NBEA: variants seen among roughly 807,000 people sequenced by gnomAD.
NBEA encodes neurobeachin, also known as lysosomal-trafficking regulator 2.
NBEA carries 44 observed loss-of-function variants against 343.4 expected under a neutral mutation model. The observed-to-expected ratio is 0.13, with a 90% confidence interval of 0.10 to 0.16. The LOEUF (loss-of-function observed/expected upper bound fraction) is 0.16, where lower values mean the gene tolerates loss of function less well. NBEA is among the 10% of genes least tolerant of loss of function. The pLI, the probability that NBEA is intolerant of heterozygous loss-of-function variation, is 1.00. For missense variants in NBEA, 2,555 were observed against 3,631.3 expected (o/e 0.70, Z 7.62); for synonymous variants, 1,175 against 1,238.7 (o/e 0.95, Z 1.08).
At chr13:35,536,669 TAGAC>T (rs879468484) in intron 41 of NBEA, among the ~76,000 whole-genome samples, 5 of 151,656 alleles carry the variant, frequency 3.3e-5, no homozygotes, top group South Asian at 4.1e-4. Context: ...GATAGATAGA[TAGAC>T]AGACAGACAG....
chr13:34,974,946 A>G (rs932967366), intron 1 of NBEA, among the ~76,000 whole-genome samples: 4 of 152,272 alleles, frequency 2.6e-5, no homozygotes, highest in South Asian at 4.1e-4. Flanking sequence ...AAAATAGAAC[A>G]CTAGTTTTCA....
chr13:35,525,347 T>C (rs1295715639), intron 41 of NBEA, among the ~76,000 whole-genome samples: 4 of 151,966 alleles, frequency 2.6e-5, no homozygotes, highest in Non-Finnish European at 4.4e-5. Flanking sequence ...AGGTCAGGAG[T>C]TTGAGACCAG....
At chr13:35,141,656 C>G (rs561378761) in intron 17 of NBEA, among the ~76,000 whole-genome samples, 1 of 152,124 alleles carries the variant, frequency 6.6e-6, no homozygotes, top group African/African-American at 2.4e-5. Flanking sequence ...TTTAATGGAA[C>G]CTTCTATCCT....
chr13:35,559,188 G>T (rs975893176), intron 44 of NBEA, among the ~76,000 whole-genome samples: 2 of 152,132 alleles, frequency 1.3e-5, no homozygotes, highest in Admixed American at 6.5e-5. Context: ...ATACTTGTTA[G>T]GGCAGCAATT....
chr13:35,397,137 C>A (rs2042784309), intron 38 of NBEA, among the ~76,000 whole-genome samples: 1 of 152,188 alleles, frequency 6.6e-6, no homozygotes, highest in Non-Finnish European at 1.5e-5. Flanking sequence ...TCCTTCAAGA[C>A]CCCAAATGAA....
chr13:35,049,144 A>G (rs1419301215), intron 5 of NBEA, among the ~76,000 whole-genome samples: 5 of 151,912 alleles, frequency 3.3e-5, no homozygotes, highest in African/African-American at 1.2e-4. Flanking sequence ...GGTGTAGACA[A>G]CTAGAATGAG....
intron 1 of NBEA, among the ~76,000 whole-genome samples, chr13:35,024,544 G>T (rs956273040): frequency 2.6e-5 from 4 of 152,032 alleles, no homozygotes; most frequent in Non-Finnish European, 4.4e-5. Flanking sequence ...GCCAGGTGTG[G>T]TGGTACACAC....
At chr13:35,236,515 T>C (rs2075240914) in intron 34 of NBEA, among the ~76,000 whole-genome samples, 1 of 152,050 alleles carries the variant, frequency 6.6e-6, no homozygotes, top group African/African-American at 2.4e-5. Context: ...GGCACTATCT[T>C]GGCTCACTGC....
intron 7 of NBEA, among the ~76,000 whole-genome samples, chr13:35,058,413 T>C (rs1036303786): frequency 6.6e-6 from 1 of 152,118 alleles, no homozygotes; most frequent in Admixed American, 6.6e-5. Context: ...AGTTTAACTT[T>C]TGTAAATAAA....
intron 1 of NBEA, among the ~76,000 whole-genome samples, chr13:35,020,303 A>C (rs1187629724): frequency 1.3e-5 from 2 of 151,982 alleles, no homozygotes; most frequent in Non-Finnish European, 1.5e-5. Context: ...TATTATTCTG[A>C]TGTATAGTTT....
At chr13:35,414,142 C>A (rs746591783) in intron 38 of NBEA, among the ~76,000 whole-genome samples, 2 of 152,104 alleles carry the variant, frequency 1.3e-5, no homozygotes, top group Non-Finnish European at 2.9e-5. Flanking sequence ...TTAGAGCAGT[C>A]AGAATATACT....
chr13:35,236,029 A>G (rs929002261), intron 34 of NBEA, among the ~76,000 whole-genome samples: 4 of 152,216 alleles, frequency 2.6e-5, no homozygotes, highest in Non-Finnish European at 5.9e-5. Flanking sequence ...TTTAAACTAT[A>G]TGGATGTAAT....
In NBEA at chr13:35,565,858, C is replaced by T. The variant is rs531987429; in HGVS notation, c.6923-1047C>T. Among the ~76,000 whole-genome samples, 6 of 152,146 alleles carry T rather than the reference C, an allele frequency of 3.9e-5. No individual in the cohort carries two copies. In the South Asian group the frequency reaches 8.3e-4, roughly 21 times the overall value. ...TTCACCCTAAGATCGAGCAGTTCTTCGCTAAAGTGAAACAACATAAGACAA... is the reference window on the plus strand; with the variant it reads ...TTCACCCTAAGATCGAGCAGTTCTTTGCTAAAGTGAAACAACATAAGACAA... On this transcript the variant is annotated intron_variant, in intron 44 of 58. Transcript: ENST00000379939.
intron 2 of NBEA, among the ~76,000 whole-genome samples, chr13:35,041,925 A>G (rs985957372): frequency 6.6e-6 from 1 of 151,962 alleles, no homozygotes; most frequent in Admixed American, 6.6e-5. Flanking sequence ...TAAGCCACGA[A>G]TCTTCAGCCT....
At chr13:35,567,919 C>T (rs1223324871) in intron 45 of NBEA, among the ~76,000 whole-genome samples, 1 of 152,158 alleles carries the variant, frequency 6.6e-6, no homozygotes, top group East Asian at 1.9e-4. Flanking sequence ...GCTTCTGCCC[C>T]TTTTCTGGCC....
chr13:35,583,916 C>T lies in NBEA; in HGVS notation c.7054C>T (p.Pro2352Ser), dbSNP rs767758961. The stretch of plus-strand genomic sequence containing the variant: ...TTAATAGCCAATTGGTGCTTTGAAC[C>T]CCAAGAGAGCTGTGTTTTATGCAGA... ...DLSKPIGALN[P>S]KRAVFYAERY... Residue 2352 changes from proline (P) to serine (S), a missense_variant, in exon 46 of 59, where the codon CCC (proline) becomes TCC (serine). This residue lies in a region of NBEA where 156 missense variants were observed against 185.8 expected (regional missense o/e 0.84). Transcript: ENST00000379939. The T allele has an allele frequency of 1.2e-6, 2 of 1,611,002 alleles. No homozygotes were observed. Among genetic ancestry groups the T allele is most frequent in the African/African-American group, 1.3e-5 (1 of 74,788 alleles).
chr13:35,173,601 A>G lies in NBEA; in HGVS notation c.4554+7A>G. ...TGCTACAGCAGCTTCGAAGGTAAGT[A>G]AACTTTTTTTCTTGGCCAAATATAA... is the stretch of plus-strand genomic sequence containing the variant. On this transcript the variant is annotated splice_region_variant and intron_variant, in intron 27 of 58. Transcript: ENST00000379939. The G allele has an allele frequency of 2.5e-6, 4 of 1,590,130 alleles. No individual in the cohort carries two copies. Among genetic ancestry groups the G allele is most frequent in the South Asian group, 1.2e-5 (1 of 86,238 alleles).
At chr13:35,087,132 G>T (rs1190277281) in intron 10 of NBEA, among the ~76,000 whole-genome samples, 1 of 151,464 alleles carries the variant, frequency 6.6e-6, no homozygotes, top group African/African-American at 2.4e-5. Context: ...TTCCTTTGCT[G>T]TGTAGAAGCT....
intron 16 of NBEA, among the ~76,000 whole-genome samples, chr13:35,119,361 C>CTT (rs2066668466): frequency 6.6e-6 from 1 of 152,088 alleles, no homozygotes; most frequent in South Asian, 2.1e-4. Flanking sequence ...ATATCAGTGA[C>CTT]TGTCAAGGGC....
Sources: gnomAD v4.1 joint callset for allele counts (sites outside exome capture counted in the v4.1 genomes callset) on GRCh38, gnomAD v4.1.1 for gene constraint, gnomAD v4.1.1 regional missense constraint, MANE v1.5 for transcripts, NCBI Gene and HGNC (gene_info 2026-07-23, HGNC 2026-07-21) for gene names.